CELF2: variants seen among roughly 807,000 people sequenced by gnomAD.
The protein encoded by CELF2 is CUGBP Elav-like family member 2, also known as CUG triplet repeat RNA-binding protein 2.
In CELF2, 8 loss-of-function variants were observed where a neutral mutation model predicts 62.6. That is an observed-to-expected ratio of 0.13 (90% CI 0.07 to 0.23). The LOEUF is 0.23. CELF2 is among the 10% of genes least tolerant of loss of function. The probability of loss-of-function intolerance (pLI) is 1.00; values close to 1 mark genes in which losing one functional copy is unlikely to be tolerated. For synonymous variants in CELF2, 258 were observed against 250.0 expected (o/e 1.03, Z -0.30); for missense variants, 333 against 671.0 (o/e 0.50, Z 5.56).
rs61703363 is a variant in CELF2, at chr10:11,269,685, TCTG to T, written c.619-977_619-975del. Among the ~76,000 whole-genome samples the T allele has an allele frequency of 0.16, 24,159 of 152,064 alleles. 2,371 individuals carry two copies. The highest frequency in any genetic ancestry group is 0.45 in the East Asian group (2,321 of 5,154). On this transcript the variant is annotated intron_variant, in intron 6 of 12. Coordinates refer to ENST00000633077, the MANE Select transcript of CELF2 (RefSeq NM_001326342.2). The surrounding 1 kb of genome is among the most constrained non-coding windows in gnomAD (Gnocchi z 4.4). ...GAGGCTGGGGAAGGAGGGGGAGACTTCTGCTGAGTTACTTACCAAGTGGCAAAT... is the reference window on the plus strand; with the variant it reads ...GAGGCTGGGGAAGGAGGGGGAGACTTCTGAGTTACTTACCAAGTGGCAAAT...
chr10:10,686,650 C>G, the CELF2 span, among the ~76,000 whole-genome samples: 35 of 152,170 alleles, frequency 2.3e-4, no homozygotes, highest in Non-Finnish European at 3.5e-4. Flanking sequence ...TCACTTGGCT[C>G]TTGCTTCTCT....
At chr10:10,538,777 C>T in the CELF2 span, among the ~76,000 whole-genome samples, 1 of 152,224 alleles carries the variant, frequency 6.6e-6, no homozygotes, top group South Asian at 2.1e-4. Context: ...ACCGTACTGA[C>T]TATATGTGAC....
intron 2 of CELF2, among the ~76,000 whole-genome samples, chr10:11,200,489 C>T (rs2058978958): frequency 6.6e-6 from 1 of 152,228 alleles, no homozygotes; most frequent in Admixed American, 6.5e-5. Flanking sequence ...TGGGCATGTG[C>T]TTATTTTCAT....
At chr10:11,102,789 A>G (rs1168024024) in intron 1 of CELF2, among the ~76,000 whole-genome samples, 1 of 152,042 alleles carries the variant, frequency 6.6e-6, no homozygotes. Context: ...AAACTCAACC[A>G]AGCATGCCTT....
chr10:10,545,130 A>G, the CELF2 span, among the ~76,000 whole-genome samples: 1 of 152,342 alleles, frequency 6.6e-6, no homozygotes, highest in East Asian at 1.9e-4. Context: ...GAGGAAGACA[A>G]GGGACCACAA....
At chr10:10,639,505 T>C in the CELF2 span, among the ~76,000 whole-genome samples, 1 of 152,178 alleles carries the variant, frequency 6.6e-6, no homozygotes, top group Non-Finnish European at 1.5e-5. Context: ...GATGCAAATA[T>C]TAAATTCGCT....
At chr10:11,020,829 A>C (rs1051291780) in intron 1 of CELF2, among the ~76,000 whole-genome samples, 1 of 152,236 alleles carries the variant, frequency 6.6e-6, no homozygotes, top group Non-Finnish European at 1.5e-5. Flanking sequence ...CAGATCATTT[A>C]AGGCTCTGTA....
intron 2 of CELF2, among the ~76,000 whole-genome samples, chr10:10,975,051 G>T (rs1451087129): frequency 6.6e-6 from 1 of 152,164 alleles, no homozygotes; most frequent in Admixed American, 6.5e-5. Context: ...AGGAGCACAG[G>T]TTTTAGATTT....
chr10:10,873,763 C>T (rs2060908660), intron 1 of CELF2, among the ~76,000 whole-genome samples: 2 of 152,186 alleles, frequency 1.3e-5, no homozygotes, highest in Non-Finnish European at 2.9e-5. Flanking sequence ...TCCAACCCAT[C>T]GTCCCTATCC....
At chr10:10,806,835 A>G (rs979022346) in intron 1 of CELF2, among the ~76,000 whole-genome samples, 1 of 152,172 alleles carries the variant, frequency 6.6e-6, no homozygotes, top group African/African-American at 2.4e-5. Context: ...TGTAAGATGG[A>G]AGGATCCAGT....
Position 11,075,170 on chromosome 10 carries a change from C to T in CELF2, c.74+57007C>T, listed in dbSNP as rs1168455127. 6.6e-6 allele frequency: 1 copy of T among 152,330 alleles called. No individual in the cohort carries two copies. Among genetic ancestry groups the T allele is most frequent in the African/African-American group, 2.4e-5 (1 of 41,408 alleles). 9.4% of individuals were successfully genotyped at this position (152,330 alleles called of 1,614,324 possible). On this transcript the variant is annotated intron_variant, in intron 1 of 12. Coordinates refer to ENST00000633077, the MANE Select transcript of CELF2 (RefSeq NM_001326342.2). The surrounding 1 kb of genome is among the most constrained non-coding windows in gnomAD (Gnocchi z 5.4). Reference sequence around the variant, plus strand: ...GTGTGGCTTGATTGTCTTCCTCTTCCTTGGCTGGCTGAGTGATAAAGGCAT... The same window carrying T: ...GTGTGGCTTGATTGTCTTCCTCTTCTTTGGCTGGCTGAGTGATAAAGGCAT...
At chr10:10,546,382 G>A in the CELF2 span, among the ~76,000 whole-genome samples, 4 of 152,120 alleles carry the variant, frequency 2.6e-5, no homozygotes, top group East Asian at 1.9e-4. Flanking sequence ...CCAAAAAAGC[G>A]GATTCTGATT....
At chr10:10,701,970 A>G in the CELF2 span, among the ~76,000 whole-genome samples, 3 of 152,196 alleles carry the variant, frequency 2.0e-5, no homozygotes, top group African/African-American at 7.2e-5. Flanking sequence ...TCAACTCCAA[A>G]TTAGACTTGG....
the CELF2 span, among the ~76,000 whole-genome samples, chr10:10,651,146 T>C: frequency 7.7e-6 from 1 of 130,304 alleles, no homozygotes; most frequent in African/African-American, 2.8e-5. Flanking sequence ...CCCACCCGAA[T>C]TTTGCGCTTT....
In CELF2 at chr10:11,237,801, C is replaced by T. The variant is rs1054372536; in HGVS notation, c.355-11352C>T. 2.6e-5 allele frequency among the ~76,000 whole-genome samples: 4 copies of T among 152,320 alleles called. No homozygotes were observed. In the South Asian group the frequency reaches 8.3e-4, roughly 32 times the overall value. ...CCCCAGGCAGCGTCACGGCCAGAGA[C>T]AAATGTCACAAGGATGATTTGTTGT... On this transcript the variant is annotated intron_variant, in intron 3 of 12. Transcript: ENST00000633077. This position sits in a 1 kb window ranked among gnomAD's most constrained non-coding sequence, Gnocchi z 4.0.
the CELF2 span, among the ~76,000 whole-genome samples, chr10:10,649,814 T>C: frequency 6.6e-6 from 1 of 152,316 alleles, no homozygotes; most frequent in South Asian, 2.1e-4. Context: ...TGTCCGATTG[T>C]GCCCACTTGC....
intron 1 of CELF2, among the ~76,000 whole-genome samples, chr10:10,857,659 ATATATATATATATATATATATAT>A (rs2133027013): frequency 8.2e-6 from 1 of 121,406 alleles, no homozygotes; most frequent in African/African-American, 2.9e-5. Flanking sequence ...GTATATATAT[ATATATATATATATATATATATAT>A]TTTACCTCAA....
intron 1 of CELF2, among the ~76,000 whole-genome samples, chr10:10,809,305 C>A (rs181133608): frequency 6.6e-6 from 1 of 152,228 alleles, no homozygotes; most frequent in African/African-American, 2.4e-5. Flanking sequence ...GGACTTTGAT[C>A]TCAGACTTCT....
chr10:11,141,857 A>T (rs2132268164), intron 1 of CELF2, among the ~76,000 whole-genome samples: 1 of 152,372 alleles, frequency 6.6e-6, no homozygotes, highest in South Asian at 2.1e-4. Context: ...GTAGTTTCAC[A>T]TATAGTATCT....
Sources: gnomAD v4.1 joint callset for allele counts (sites outside exome capture counted in the v4.1 genomes callset) on GRCh38, gnomAD v4.1.1 for gene constraint, Gnocchi (gnomAD v3.1) non-coding constraint, MANE v1.5 for transcripts, NCBI Gene and HGNC (gene_info 2026-07-23, HGNC 2026-07-21) for gene names.